DENND2B: variants seen among roughly 807,000 people sequenced by gnomAD.
The protein encoded by DENND2B is DENN domain-containing protein 2B.
In DENND2B, 32 loss-of-function variants were observed where a neutral mutation model predicts 116.0. The ratio of observed to expected loss-of-function variants is 0.28; its 90% CI spans 0.21 to 0.37. DENND2B has a LOEUF of 0.37. DENND2B is among the 10% of genes least tolerant of loss of function. DENND2B has a pLI of 1.00. For missense variants in DENND2B, 1,276 were observed against 1,477.7 expected (o/e 0.86, Z 2.24); for synonymous variants, 588 against 583.9 (o/e 1.01, Z -0.10).
chr11:8,828,715 G>A (rs2062074874), intron 4 of DENND2B, among the ~76,000 whole-genome samples: 1 of 152,162 alleles, frequency 6.6e-6, no homozygotes, highest in African/African-American at 2.4e-5. Context: ...CCGGATGGCT[G>A]AGTGCCACCA....
Position 8,699,104 on chromosome 11 carries a change from A to C in DENND2B, c.2898+109T>G, listed in dbSNP as rs569867626. 2.6e-6 allele frequency: 4 copies of C among 1,519,440 alleles called. No individual in the cohort carries two copies. The African/African-American group carries it at 4.2e-5, about 16-fold the overall frequency. The allele number at this position is 1,519,440 out of a possible 1,614,324, so 94.1% of individuals were successfully genotyped here. ...TACTCCAGCCGGGGATAGACCTCCC[A>C]GGGAGAAAGGATAAGAGCCTGGTAA... On this transcript the variant is annotated intron_variant, in intron 15 of 19. Coordinates refer to ENST00000313726, the MANE Select transcript of DENND2B (RefSeq NM_213618.2).
upstream of DENND2B, among the ~76,000 whole-genome samples, chr11:8,815,241 A>C (rs958578143): frequency 6.6e-6 from 1 of 152,196 alleles, no homozygotes; most frequent in African/African-American, 2.4e-5. Context: ...CTAAAAAAAA[A>C]AGTCTTATGT....
chr11:8,737,344 A>C (rs1006165427), intron 2 of DENND2B, among the ~76,000 whole-genome samples: 6 of 152,202 alleles, frequency 3.9e-5, no homozygotes, highest in Non-Finnish European at 8.8e-5. Context: ...ATTTAGTGAG[A>C]AAAGAAGAAA....
chr11:8,796,938 C>T (rs1340994245), intron 1 of DENND2B, among the ~76,000 whole-genome samples: 1 of 152,090 alleles, frequency 6.6e-6, no homozygotes, highest in Non-Finnish European at 1.5e-5. Context: ...GTACCCCTTT[C>T]AGAGAAAGCT....
rs926103161 is a variant in DENND2B at position 8,707,196 on chromosome 11, C to T, written c.2460G>A (p.Gly820=). Reference sequence around the variant, plus strand: ...AAGGATAGACCAATGCAGCGGAGATCCCACGCCGGCGCTCCACCTCATCTA... The same window carrying T: ...AAGGATAGACCAATGCAGCGGAGATTCCACGCCGGCGCTCCACCTCATCTA... ...KVLDEVERRR[G]ISAALVYPFM... is the part of the protein sequence containing the mutation. The change falls in exon 13 of 20, where the codon GGG becomes GGA. Residue 820 remains glycine (G), a synonymous_variant. Coordinates refer to ENST00000313726, the MANE Select transcript of DENND2B (RefSeq NM_213618.2). The surrounding 1 kb of genome is among the most constrained non-coding windows in gnomAD (Gnocchi z 4.8). 6.2e-6 allele frequency: 10 copies of T among 1,613,134 alleles called. No individual in the cohort carries two copies. Among genetic ancestry groups the T allele is most frequent in the Non-Finnish European group, 8.5e-6 (10 of 1,179,422 alleles).
At chr11:8,711,494 A>C (rs1043714871) in intron 9 of DENND2B, among the ~76,000 whole-genome samples, 2 of 152,120 alleles carry the variant, frequency 1.3e-5, no homozygotes, top group African/African-American at 4.8e-5. Flanking sequence ...CAAAGGGGAC[A>C]AGGTCCCCGA....
chr11:8,761,703 T>G (rs977341514), intron 1 of DENND2B, among the ~76,000 whole-genome samples: 1 of 152,212 alleles, frequency 6.6e-6, no homozygotes, highest in Non-Finnish European at 1.5e-5. Context: ...CTGGTCTAGC[T>G]GAGCTCAACC....
At chr11:8,751,276 G>C (rs2052416758) in intron 1 of DENND2B, among the ~76,000 whole-genome samples, 1 of 152,074 alleles carries the variant, frequency 6.6e-6, no homozygotes, top group Non-Finnish European at 1.5e-5. Flanking sequence ...GCACCAATCA[G>C]CACCCTGTCA....
chr11:8,761,992 T>TC (rs1297521627), intron 1 of DENND2B, among the ~76,000 whole-genome samples: 2 of 152,006 alleles, frequency 1.3e-5, no homozygotes, highest in African/African-American at 4.8e-5. Flanking sequence ...GCTCTCAACT[T>TC]CAACACCTCC....
At chr11:8,818,573 G>A (rs2061658144) in intron 4 of DENND2B, among the ~76,000 whole-genome samples, 1 of 151,886 alleles carries the variant, frequency 6.6e-6, no homozygotes, top group African/African-American at 2.4e-5. Context: ...ATTCTCCCCG[G>A]CTAGACTGAT....
At chr11:8,843,392 A>G (rs1224680869) in intron 3 of DENND2B, among the ~76,000 whole-genome samples, 1 of 152,200 alleles carries the variant, frequency 6.6e-6, no homozygotes, top group Non-Finnish European at 1.5e-5. Flanking sequence ...ACTAAGCCCA[A>G]TCAGCCCATT....
intron 1 of DENND2B, among the ~76,000 whole-genome samples, chr11:8,782,338 A>G (rs2058455141): frequency 6.6e-6 from 1 of 152,246 alleles, no homozygotes. Context: ...GTAAAAGGAT[A>G]AGATATGCAC....
intron 1 of DENND2B, chr11:8,909,976 A>G (rs141414144): frequency 0.016 from 2,420 of 152,264 alleles, 50 homozygotes; most frequent in South Asian, 0.084. Context: ...CCTGGGCTGT[A>G]TCTCCTACCA....
chr11:8,727,139 C>T (rs578259144), intron 3 of DENND2B, among the ~76,000 whole-genome samples: 4 of 152,280 alleles, frequency 2.6e-5, no homozygotes, highest in Admixed American at 6.5e-5. Context: ...GGCAAGTCCC[C>T]GCAGGCTCCT....
intron 1 of DENND2B, among the ~76,000 whole-genome samples, chr11:8,779,281 C>G (rs1469300334): frequency 1.3e-5 from 2 of 152,260 alleles, no homozygotes; most frequent in South Asian, 2.1e-4. Context: ...AAGAATGAGA[C>G]TATGACTCAA....
chr11:8,730,893 G>A lies in DENND2B; in HGVS notation c.397C>T (p.Pro133Ser). 1 of 1,614,050 alleles carries A rather than the reference G, an allele frequency of 6.2e-7. No homozygotes were observed. Among genetic ancestry groups the A allele is most frequent in the Non-Finnish European group, 8.5e-7 (1 of 1,180,040 alleles). Residue 133 changes from proline (P) to serine (S), a missense_variant, in exon 3 of 20, where the codon CCC (proline) becomes TCC (serine). By Grantham distance (74) the Pro-to-Ser change is moderately conservative. Coordinates refer to ENST00000313726, the MANE Select transcript of DENND2B (RefSeq NM_213618.2). The surrounding 1 kb of genome is among the most constrained non-coding windows in gnomAD (Gnocchi z 4.1). ...QDVAGVAACL[P>S]LAQSTPFPGP... Reference sequence around the variant, plus strand: ...GGGAATGGCGTGCTCTGGGCAAGGGGGAGGCAGGCAGCGACCCCTGCTACA... The same window carrying A: ...GGGAATGGCGTGCTCTGGGCAAGGGAGAGGCAGGCAGCGACCCCTGCTACA...
intron 4 of DENND2B, among the ~76,000 whole-genome samples, chr11:8,829,808 C>G (rs781578439): frequency 1.1e-4 from 16 of 152,128 alleles, no homozygotes; most frequent in Non-Finnish European, 2.2e-4. Context: ...ATCTCCCCTT[C>G]TATAAAACAG....
chr11:8,872,485 TAA>T (rs398044981), upstream of DENND2B, among the ~76,000 whole-genome samples: 10 of 102,930 alleles, frequency 9.7e-5, no homozygotes, highest in Admixed American at 2.2e-4. Context: ...AGACTCCGTC[TAA>T]AAAAAAAAAA....
rs141548584 is a variant in DENND2B, at chr11:8,774,997, C to T, written c.-25-24272G>A. Among the ~76,000 whole-genome samples the T allele has an allele frequency of 1.7e-3, 264 of 152,108 alleles. 2 individuals carry two copies. The highest frequency in any genetic ancestry group is 5.0e-3 in the South Asian group (24 of 4,808). On this transcript the variant is annotated intron_variant, in intron 1 of 19. Transcript: ENST00000313726. The stretch of plus-strand genomic sequence containing the variant: ...CCAGGTTCATGAGATTCTCCCACCT[C>T]AGCCTCCTGAGTAGCCGGGATTACA...
Sources: gnomAD v4.1 joint callset for allele counts (sites outside exome capture counted in the v4.1 genomes callset) on GRCh38, gnomAD v4.1.1 for gene constraint, Gnocchi (gnomAD v3.1) non-coding constraint, MANE v1.5 for transcripts, NCBI Gene and HGNC (gene_info 2026-07-23, HGNC 2026-07-21) for gene names.